TENM3: variants seen among roughly 807,000 people sequenced by gnomAD.
The protein encoded by TENM3 is teneurin transmembrane protein 3, also known as teneurin-3.
In TENM3, 63 loss-of-function variants were observed where a neutral mutation model predicts 255.1. That is an observed-to-expected ratio of 0.25 (90% confidence interval 0.20 to 0.30). TENM3 has a LOEUF of 0.30. Ranked by LOEUF, TENM3 falls within the 10% of genes least tolerant of loss-of-function variation. TENM3 has a pLI of 1.00. For missense variants in TENM3, 2,929 were observed against 3,461.1 expected (o/e 0.85, Z 3.86); for synonymous variants, 1,306 against 1,322.3 (o/e 0.99, Z 0.27).
chr4:182,723,592 G>A (rs1759918941), intron 13 of TENM3, among the ~76,000 whole-genome samples: 2 of 152,242 alleles, frequency 1.3e-5, no homozygotes, highest in African/African-American at 4.8e-5. Context: ...GCAGCATAAA[G>A]CCAGCATAGA....
At chr4:182,104,225 C>T in the TENM3 span, among the ~76,000 whole-genome samples, 1 of 152,188 alleles carries the variant, frequency 6.6e-6, no homozygotes, top group African/African-American at 2.4e-5. Flanking sequence ...CAGGGCACCT[C>T]TGGCCTGAAT....
intron 1 of TENM3, among the ~76,000 whole-genome samples, chr4:182,269,829 G>A (rs906007778): frequency 2.0e-5 from 3 of 152,116 alleles, no homozygotes; most frequent in African/African-American, 7.2e-5. Context: ...TCTCAAGGGA[G>A]TCATGAGAAA....
At chr4:181,780,777 T>A in the TENM3 span, among the ~76,000 whole-genome samples, 1 of 151,612 alleles carries the variant, frequency 6.6e-6, no homozygotes, top group Non-Finnish European at 1.5e-5. Context: ...AACATTTAAG[T>A]CTTTTTGAAT....
chr4:181,974,525 G>A, the TENM3 span, among the ~76,000 whole-genome samples: 60 of 152,216 alleles, frequency 3.9e-4, no homozygotes, highest in East Asian at 6.4e-3. Flanking sequence ...CCGAGATTGC[G>A]CTACTGCACT....
At chr4:182,524,994 C>T (rs1739008426) in intron 3 of TENM3, among the ~76,000 whole-genome samples, 1 of 152,122 alleles carries the variant, frequency 6.6e-6, no homozygotes, top group African/African-American at 2.4e-5. Context: ...CACACCACTG[C>T]ACTCCAGCCT....
At chr4:182,724,142 G>A (rs181721656) in intron 13 of TENM3, among the ~76,000 whole-genome samples, 235 of 152,192 alleles carry the variant, frequency 1.5e-3, no homozygotes, top group African/African-American at 5.3e-3. Flanking sequence ...ATTATTCAGC[G>A]GGTTTTGAGC....
chr4:181,527,304 A>G, the TENM3 span, among the ~76,000 whole-genome samples: 2 of 152,156 alleles, frequency 1.3e-5, no homozygotes, highest in South Asian at 2.1e-4. Flanking sequence ...CTATCTGAAG[A>G]CATAATGAGC....
At chr4:181,601,669 T>C in the TENM3 span, among the ~76,000 whole-genome samples, 1 of 152,214 alleles carries the variant, frequency 6.6e-6, no homozygotes, top group African/African-American at 2.4e-5. Flanking sequence ...TTAGTTTTAG[T>C]TGCCTTTCAC....
chr4:182,274,006 C>T (rs895148406), intron 1 of TENM3, among the ~76,000 whole-genome samples: 1 of 152,126 alleles, frequency 6.6e-6, no homozygotes, highest in Non-Finnish European at 1.5e-5. Flanking sequence ...TACAATGGAC[C>T]TGTTAGAGCA....
At chr4:182,533,558 AT>A (rs1365688270) in intron 3 of TENM3, among the ~76,000 whole-genome samples, 1 of 150,994 alleles carries the variant, frequency 6.6e-6, no homozygotes, top group Non-Finnish European at 1.5e-5. Flanking sequence ...AAAAAAAAAA[AT>A]CTCTAGTCAA....
At chr4:182,424,665 G>A (rs1411339811) in intron 3 of TENM3, among the ~76,000 whole-genome samples, 2 of 152,002 alleles carry the variant, frequency 1.3e-5, no homozygotes, top group African/African-American at 4.8e-5. Context: ...AACTAAATTG[G>A]CCTCTTTTTA....
At chr4:182,035,722 C>G in the TENM3 span, among the ~76,000 whole-genome samples, 1 of 152,158 alleles carries the variant, frequency 6.6e-6, no homozygotes, top group African/African-American at 2.4e-5. Flanking sequence ...GCTTTCCGTC[C>G]TTTTTCAATC....
At chr4:181,538,471 C>G in the TENM3 span, among the ~76,000 whole-genome samples, 1 of 146,500 alleles carries the variant, frequency 6.8e-6, no homozygotes, top group East Asian at 2.0e-4. Context: ...GGGAGGGGGG[C>G]GTGGTGGTTA....
the TENM3 span, among the ~76,000 whole-genome samples, chr4:182,087,273 A>C: frequency 6.6e-6 from 1 of 152,240 alleles, no homozygotes; most frequent in Non-Finnish European, 1.5e-5. Context: ...AAACACATTA[A>C]TTCCTACAAG....
intron 3 of TENM3, among the ~76,000 whole-genome samples, chr4:182,561,385 C>A (rs1743158659): frequency 6.6e-6 from 1 of 150,618 alleles, no homozygotes; most frequent in African/African-American, 2.4e-5. Flanking sequence ...GTTAGTGATA[C>A]AAGGAAGATA....
chr4:181,602,259 A>G, the TENM3 span, among the ~76,000 whole-genome samples: 1 of 152,206 alleles, frequency 6.6e-6, no homozygotes, highest in Non-Finnish European at 1.5e-5. Context: ...AGCAACATTT[A>G]AAAGAAATTC....
At chr4:181,709,631 T>C in the TENM3 span, among the ~76,000 whole-genome samples, 6 of 152,274 alleles carry the variant, frequency 3.9e-5, no homozygotes, top group African/African-American at 1.4e-4. Context: ...ATCAGAAGGG[T>C]GGCCCCTGGC....
At position 182,755,150 on chromosome 4, in the gene TENM3, T is replaced by C. The variant is rs370419027; in HGVS notation, c.4783T>C (p.Leu1595=). ...GTTGACAATAGGAACAAATGGATGT[T>C]TGAAAAGCATGACTGCTCAAGGACT... ...IWLTIGTNGC[L]KSMTAQGLEL... is the part of the protein sequence containing the mutation. Residue 1595 remains leucine (L), a synonymous_variant, in exon 22 of 28, where the codon TTG becomes CTG. Coordinates refer to ENST00000511685, the MANE Select transcript of TENM3 (RefSeq NM_001080477.4). 7.4e-5 allele frequency: 120 copies of C among 1,613,992 alleles called. No individual in the cohort carries two copies. In the African/African-American group the frequency reaches 1.4e-3, roughly 19 times the overall value.
intron 1 of TENM3, among the ~76,000 whole-genome samples, chr4:182,157,574 G>A (rs1185594467): frequency 6.6e-6 from 1 of 152,210 alleles, no homozygotes; most frequent in Admixed American, 6.5e-5. Flanking sequence ...CAAAAGGTTT[G>A]TGGCCTCTGG....
Sources: allele counts gnomAD v4.1 joint callset (sites outside exome capture counted in the v4.1 genomes callset), GRCh38; gene constraint gnomAD v4.1.1; transcripts MANE v1.5; gene names NCBI Gene and HGNC (gene_info 2026-07-23, HGNC 2026-07-21).